PCDHGA3: variants seen among roughly 807,000 people sequenced by gnomAD.
PCDHGA3 encodes the protein protocadherin gamma-A3.
Under a neutral mutation model 58.5 loss-of-function variants are expected in PCDHGA3, and 40 were observed. The observed-to-expected ratio is 0.68, with a 90% CI of 0.53 to 0.89. PCDHGA3 has a LOEUF of 0.89. PCDHGA3 is among the 40% of genes least tolerant of loss of function. PCDHGA3 has a pLI of 0.00. For synonymous variants in PCDHGA3, 530 were observed against 525.7 expected, an observed-to-expected ratio of 1.01 and a Z score of -0.11; for missense variants, 1,223 against 1,195.9, an observed-to-expected ratio of 1.02 and a Z score of -0.33.
intron 1 of PCDHGA3, chr5:141,371,427 C>T (rs773502490): frequency 1.1e-5 from 17 of 1,613,780 alleles, no homozygotes; most frequent in African/African-American, 1.3e-5. Flanking sequence ...TGACAATGCC[C>T]CGGAGATAAC....
chr5:141,472,454 C>T (rs538141635), intron 1 of PCDHGA3, among the ~76,000 whole-genome samples: 3 of 151,192 alleles, frequency 2.0e-5, no homozygotes, highest in South Asian at 4.2e-4. Context: ...GCAGGAGAAT[C>T]GCTTGAACCC....
intron 1 of PCDHGA3, chr5:141,419,557 G>T: frequency 2.5e-6 from 4 of 1,611,872 alleles, no homozygotes; most frequent in Middle Eastern, 1.7e-4. Context: ...TGTACCCTGC[G>T]CTGGGTCCCG....
At chr5:141,347,137 C>CTCTTTCTTTCCTTCTTTCTTTCTT (rs1757890739) in intron 1 of PCDHGA3, among the ~76,000 whole-genome samples, 2 of 113,744 alleles carry the variant, frequency 1.8e-5, no homozygotes, top group African/African-American at 7.7e-5. Flanking sequence ...CTCTGTTTCT[C>CTCTTTCTTTCCTTCTTTCTTTCTT]TCTTTCTTTC....
At chr5:141,401,417 G>A (rs1404967672) in intron 1 of PCDHGA3, among the ~76,000 whole-genome samples, 1 of 152,136 alleles carries the variant, frequency 6.6e-6, no homozygotes, top group Non-Finnish European at 1.5e-5. Flanking sequence ...GAAAGAGAGA[G>A]ACTGATTCAC....
intron 1 of PCDHGA3, chr5:141,375,062 C>T (rs377179051): frequency 5.6e-6 from 9 of 1,613,878 alleles, no homozygotes; most frequent in Non-Finnish European, 7.6e-6. Context: ...TGGGCCAGGT[C>T]TTCGAGACAG....
intron 1 of PCDHGA3, chr5:141,423,850 A>G: frequency 1.6e-6 from 2 of 1,278,674 alleles, no homozygotes; most frequent in East Asian, 3.1e-5. Flanking sequence ...ATCTTTCAGA[A>G]CGTTTTTGTG....
intron 1 of PCDHGA3, chr5:141,360,212 C>T: frequency 1.2e-6 from 2 of 1,612,898 alleles, no homozygotes; most frequent in Non-Finnish European, 1.7e-6. Context: ...TCTTTGTTCC[C>T]CGGGGCTCTC....
chr5:141,362,427 G>C (rs1762495108), intron 1 of PCDHGA3: 3 of 1,614,030 alleles, frequency 1.9e-6, no homozygotes, highest in Non-Finnish European at 1.7e-6. Context: ...CCAAGACAGA[G>C]TTCAATTTTC....
chr5:141,351,989 G>C, intron 1 of PCDHGA3: 1 of 1,611,288 alleles, frequency 6.2e-7, no homozygotes, highest in East Asian at 2.2e-5. Flanking sequence ...GGTGCCACGC[G>C]CCGCAGAGCC....
chr5:141,432,561 A>C lies in PCDHGA3; in HGVS notation c.2425-62246A>C, dbSNP rs746684751. On this transcript the variant is annotated intron_variant, in intron 1 of 3. Transcript: ENST00000253812. This position sits in a 1 kb window ranked among gnomAD's most constrained non-coding sequence, Gnocchi z 6.0. Reference sequence around the variant, plus strand: ...GCGGTGGACAGAGACTCCGGCCAGAACGCCTGGCTGTCCTACCGTCTGCTC... The same window carrying C: ...GCGGTGGACAGAGACTCCGGCCAGACCGCCTGGCTGTCCTACCGTCTGCTC... 37 of 1,613,308 alleles carry C rather than the reference A, an allele frequency of 2.3e-5. 1 individual carries two copies. The highest frequency in any genetic ancestry group is 2.7e-5 in the African/African-American group (2 of 74,712).
Position 141,490,983 on chromosome 5 carries a change from C to T in PCDHGA3, c.2425-3824C>T. ...ACTCAGCCCCCCAGCGTCTCCCTCG[C>T]TCTGCTCCTCCTGGCTCCTTGGTCA... On this transcript the variant is annotated intron_variant, in intron 1 of 3. Transcript: ENST00000253812. The surrounding 1 kb of genome is among the most constrained non-coding windows in gnomAD (Gnocchi z 5.4). 2 of 1,614,120 alleles carry T rather than the reference C, an allele frequency of 1.2e-6. No individual in the cohort carries two copies. Among genetic ancestry groups the T allele is most frequent in the South Asian group, 2.2e-5 (2 of 91,082 alleles).
At chr5:141,357,195 C>T (rs1173372626) in intron 1 of PCDHGA3, 6 of 1,613,770 alleles carry the variant, frequency 3.7e-6, no homozygotes, top group South Asian at 2.2e-5. Context: ...TGGCTGTGGC[C>T]GACAGCATCC....
At chr5:141,393,029 G>A in intron 1 of PCDHGA3, 1 of 1,613,754 alleles carries the variant, frequency 6.2e-7, no homozygotes, top group Non-Finnish European at 8.5e-7. Context: ...GAGGTAGGAC[G>A]CAGCTCTTTG....
In PCDHGA3 at chr5:141,432,752, G is replaced by C. The variant is rs1407361813; in HGVS notation, c.2425-62055G>C. On this transcript the variant is annotated intron_variant, in intron 1 of 3. Coordinates refer to ENST00000253812, the MANE Select transcript of PCDHGA3 (RefSeq NM_018916.4). The surrounding 1 kb of genome is among the most constrained non-coding windows in gnomAD (Gnocchi z 6.0). Reference sequence around the variant, plus strand: ...CACTGTCACGCTCACCGTGGCCGTGGCCGACAGCATCCCCCAAGTCCTGGC... The same window carrying C: ...CACTGTCACGCTCACCGTGGCCGTGCCCGACAGCATCCCCCAAGTCCTGGC... 9.3e-6 allele frequency: 15 copies of C among 1,614,024 alleles called. No individual in the cohort carries two copies. The highest frequency in any genetic ancestry group is 1.3e-5 in the Non-Finnish European group (15 of 1,180,008).
Position 141,430,721 on chromosome 5 carries a change from T to C in PCDHGA3, c.2425-64086T>C, listed in dbSNP as rs2097305223. The C allele has an allele frequency of 3.4e-6, 5 of 1,489,270 alleles. No homozygotes were observed. The South Asian group carries it at 7.3e-5, about 22-fold the overall frequency. 92.3% of individuals were successfully genotyped at this position (1,489,270 alleles called of 1,614,324 possible). A position where few individuals can be genotyped will look rare whatever the true frequency, so the allele number is the denominator to read the frequency against. On this transcript the variant is annotated intron_variant, in intron 1 of 3. Coordinates refer to ENST00000253812, the MANE Select transcript of PCDHGA3 (RefSeq NM_018916.4). ...AGGAACTGCTCCTGACTTCAGTGGT[T>C]AAGGGCAGAATTGAAAATAATTCTG...
At chr5:141,382,717 G>A (rs759719502) in intron 1 of PCDHGA3, 38 of 488,830 alleles carry the variant, frequency 7.8e-5, no homozygotes, top group Non-Finnish European at 9.8e-5. Flanking sequence ...AGAAACCACC[G>A]AGTTTTACAG....
intron 1 of PCDHGA3, chr5:141,390,523 G>C: frequency 1.8e-6 from 1 of 556,304 alleles, no homozygotes; most frequent in Non-Finnish European, 3.1e-6. Context: ...AGCAATGAGG[G>C]TGTGGTTTTA....
At chr5:141,350,015 A>G in intron 1 of PCDHGA3, 1 of 362,456 alleles carries the variant, frequency 2.8e-6, no homozygotes, top group Admixed American at 4.2e-5. Flanking sequence ...GGCCCTGTGC[A>G]GTTTTCCAAG....
rs1014896576 is a variant in PCDHGA3, at chr5:141,512,427, C to T, written c.*1254C>T. 6.5e-6 allele frequency: 1 copy of T among 152,788 alleles called. No individual in the cohort carries two copies. Among genetic ancestry groups the T allele is most frequent in the African/African-American group, 2.4e-5 (1 of 41,460 alleles). The allele number at this position is 152,788 out of a possible 1,614,324, so 9.5% of individuals were successfully genotyped here. A position where few individuals can be genotyped will look rare whatever the true frequency, so the allele number is the denominator to read the frequency against. On this transcript the variant is annotated 3_prime_UTR_variant, in exon 4 of 4. Transcript: ENST00000253812. ...GGGCTTCTTCAACAGGGCCCCTGCC[C>T]TCCTGAAGCCTCAGTCCTTCACCTT...
Sources: allele counts gnomAD v4.1 joint callset (sites outside exome capture counted in the v4.1 genomes callset), GRCh38; gene constraint gnomAD v4.1.1; non-coding constraint Gnocchi (gnomAD v3.1); transcripts MANE v1.5; gene names NCBI Gene and HGNC (gene_info 2026-07-23, HGNC 2026-07-21).